Variants in STS observed in about 807,000 individuals in gnomAD.
The protein encoded by STS is steryl-sulfatase.
In STS, 7 loss-of-function variants were observed where a neutral mutation model predicts 26.8. That is an observed-to-expected ratio of 0.26 (90% CI 0.15 to 0.49). STS has a LOEUF of 0.49. Ranked by LOEUF, STS falls within the 20% of genes least tolerant of loss-of-function variation. The pLI is 0.98. For synonymous variants in STS, 199 were observed against 189.4 expected (o/e 1.05, Z -0.42); for missense variants, 434 against 465.6 (o/e 0.93, Z 0.63).
chrX:7,308,057 C>T (rs976536018), intron 8 of STS, among the ~76,000 whole-genome samples: 6 of 112,257 alleles, frequency 5.3e-5, no homozygotes, highest in Non-Finnish European at 1.1e-4. Flanking sequence ...CAAGATTTTT[C>T]CTTATTTCCC....
intron 7 of STS, among the ~76,000 whole-genome samples, chrX:7,287,547 A>G (rs1925194278): frequency 9.0e-6 from 1 of 111,208 alleles, no homozygotes; most frequent in African/African-American, 3.3e-5. Context: ...CTTTTCGCTC[A>G]ACTATCTATT....
intron 2 of STS, among the ~76,000 whole-genome samples, chrX:7,211,800 G>A (rs756628623): frequency 8.9e-6 from 1 of 112,014 alleles, no homozygotes. Flanking sequence ...TTATGCCCCA[G>A]AGGCACTGCC....
chrX:7,285,470 G>A (rs1477377124), intron 7 of STS, among the ~76,000 whole-genome samples: 2 of 111,628 alleles, frequency 1.8e-5, no homozygotes, highest in African/African-American at 6.5e-5. Context: ...CTGATGTCAG[G>A]TAAAAATATA....
chrX:7,249,709 C>G (rs1291185980), intron 2 of STS, among the ~76,000 whole-genome samples: 1 of 111,611 alleles, frequency 9.0e-6, no homozygotes, highest in Non-Finnish European at 1.9e-5. Context: ...AGTCTAGATA[C>G]CACAGCTTGC....
At chrX:7,291,976 C>T (rs778483505) in intron 7 of STS, among the ~76,000 whole-genome samples, 2 of 111,925 alleles carry the variant, frequency 1.8e-5, no homozygotes, top group Admixed American at 9.5e-5. Context: ...TTTATGCATC[C>T]GATTTGTTGC....
At chrX:7,281,269 A>G (rs1208537981) in intron 7 of STS, among the ~76,000 whole-genome samples, 4 of 112,095 alleles carry the variant, frequency 3.6e-5, no homozygotes, top group African/African-American at 1.3e-4. Flanking sequence ...TCAAACAAGA[A>G]TGGCAAGTCT....
chrX:7,304,722 G>T (rs1926131945), intron 7 of STS, among the ~76,000 whole-genome samples: 1 of 111,503 alleles, frequency 9.0e-6, no homozygotes, highest in African/African-American at 3.3e-5. Context: ...CTTTCTTCTG[G>T]CACCTGCCTC....
rs753691136 is a variant in STS at position 7,159,923 on chromosome X, C to A, written c.-134+11840C>A. On this transcript the variant is annotated intron_variant, in intron 1 of 10. Coordinates refer to ENST00000674429, the MANE Select transcript of STS (RefSeq NM_001320752.2). The stretch of plus-strand genomic sequence containing the variant: ...AGGCTGTCAAATGATTATTCACACA[C>A]GATGAGCGTTCGGCTGGGATACTTG... 4.7e-4 allele frequency among the ~76,000 whole-genome samples: 53 copies of A among 112,139 alleles called. 1 individual carries two copies. Among genetic ancestry groups the A allele is most frequent in the South Asian group, 1.1e-3 (3 of 2,691 alleles).
At chrX:7,297,855 T>C (rs891557425) in intron 7 of STS, among the ~76,000 whole-genome samples, 1 of 111,721 alleles carries the variant, frequency 9.0e-6, no homozygotes, top group Admixed American at 9.5e-5. Context: ...CACTCTTCTC[T>C]TGTTATTCAG....
At chrX:7,284,371 G>A (rs1367133418) in intron 7 of STS, among the ~76,000 whole-genome samples, 6 of 111,695 alleles carry the variant, frequency 5.4e-5, no homozygotes, top group African/African-American at 2.0e-4. Flanking sequence ...TAGCTCAATG[G>A]CATTAAGGCA....
At chrX:7,168,165 A>C (rs1933390321) in intron 1 of STS, among the ~76,000 whole-genome samples, 1 of 111,421 alleles carries the variant, frequency 9.0e-6, no homozygotes, top group South Asian at 3.8e-4. Flanking sequence ...CAAAGTTGTG[A>C]GTACCAGGGG....
intron 2 of STS, among the ~76,000 whole-genome samples, chrX:7,207,614 A>G (rs1920959666): frequency 1.8e-5 from 2 of 112,320 alleles, no homozygotes; most frequent in Admixed American, 9.5e-5. Flanking sequence ...AGGTTTCACC[A>G]TATAGTACAA....
chrX:7,293,174 C>T (rs1925498874), intron 7 of STS, among the ~76,000 whole-genome samples: 2 of 112,124 alleles, frequency 1.8e-5, no homozygotes. Flanking sequence ...GGTTAGACTT[C>T]TGTGCCCTTG....
chrX:7,254,577 C>CTTTTTTT (rs34965003), intron 3 of STS, among the ~76,000 whole-genome samples: 28 of 73,065 alleles, frequency 3.8e-4, no homozygotes, highest in Non-Finnish European at 4.5e-4. Flanking sequence ...TTTTCTTCTT[C>CTTTTTTT]TTTTTTTTTT....
At chrX:7,338,661 G>A (rs1928143491) in intron 10 of STS, among the ~76,000 whole-genome samples, 1 of 111,281 alleles carries the variant, frequency 9.0e-6, no homozygotes, top group African/African-American at 3.3e-5. Flanking sequence ...ATTCAAGTTT[G>A]TTGGAAACTT....
chrX:7,153,424 C>A (rs963808967), intron 1 of STS, among the ~76,000 whole-genome samples: 17 of 100,901 alleles, frequency 1.7e-4, no homozygotes, highest in Non-Finnish European at 2.8e-4. Context: ...CTCCTGTCCT[C>A]CTCCTTGACT....
intron 8 of STS, among the ~76,000 whole-genome samples, chrX:7,316,555 T>A (rs1253767558): frequency 2.7e-5 from 3 of 112,229 alleles, no homozygotes; most frequent in African/African-American, 6.5e-5. Flanking sequence ...TGACTTAGAT[T>A]CCTTAGCAGT....
Position 7,192,648 on chromosome X carries a change from G to A in STS, c.-5+1640G>A, listed in dbSNP as rs1290411528. ...TGACCTCTGTTTTGGGAAAAATGTG[G>A]TGAAGACCTGGATGATCCTGCCAGC... On this transcript the variant is annotated intron_variant, in intron 2 of 10. Coordinates refer to ENST00000674429, the MANE Select transcript of STS (RefSeq NM_001320752.2). Among the ~76,000 whole-genome samples, 8 of 112,095 alleles carry A rather than the reference G, an allele frequency of 7.1e-5. No homozygotes were observed. In the Admixed American group the frequency reaches 7.5e-4, roughly 11 times the overall value.
chrX:7,320,086 G>T (rs1319938427), intron 8 of STS, among the ~76,000 whole-genome samples: 29 of 73,576 alleles, frequency 3.9e-4, no homozygotes, highest in African/African-American at 5.9e-4. Context: ...TTTATATATA[G>T]TTATATATAT....
Sources: allele counts gnomAD v4.1 joint callset (sites outside exome capture counted in the v4.1 genomes callset), GRCh38; gene constraint gnomAD v4.1.1; transcripts MANE v1.5; gene names NCBI Gene and HGNC (gene_info 2026-07-23, HGNC 2026-07-21).